PTTG1IP: variants seen among roughly 807,000 people sequenced by gnomAD.
PTTG1IP encodes pituitary tumor-transforming gene 1 protein-interacting protein.
A neutral mutation model predicts 24.4 loss-of-function variants in PTTG1IP; 16 were observed. The ratio of observed to expected loss-of-function variants is 0.66; its 90% confidence interval spans 0.44 to 1.00. The LOEUF is 1.00. PTTG1IP is among the 50% of genes least tolerant of loss of function. The pLI is 0.00. For missense variants in PTTG1IP, 241 were observed against 245.8 expected (o/e 0.98, Z 0.13); for synonymous variants, 89 against 96.8 (o/e 0.92, Z 0.47).
At chr21:44,865,329 G>A in intron 2 of PTTG1IP, 66 bp downstream of exon 2, 1 of 1,522,806 alleles carries the variant, frequency 6.6e-7, no homozygotes, top group Non-Finnish European at 9.1e-7. Context: ...CCTGGACCTA[G>A]AGAAAGCCCG....
chr21:44,869,584 C>T (rs1053473732), intron 1 of PTTG1IP, among the ~76,000 whole-genome samples: 3 of 152,194 alleles, frequency 2.0e-5, no homozygotes, highest in African/African-American at 7.2e-5. Flanking sequence ...CAGGTGTGAG[C>T]AACTGTGCCC....
At chr21:44,853,163 C>A (rs952088586) in intron 5 of PTTG1IP, among the ~76,000 whole-genome samples, 1 of 151,918 alleles carries the variant, frequency 6.6e-6, no homozygotes, top group African/African-American at 2.4e-5. Flanking sequence ...GCAGTGTGTG[C>A]GTGTGTGCGC....
chr21:44,856,313 A>C lies in PTTG1IP; in HGVS notation c.329T>G (p.Leu110Arg). The stretch of plus-strand genomic sequence containing the variant: ...GCAGCAGCAGATGGCAATGCCCAGG[A>C]GGAGGGTTCCCCCGACTACCGACAT... The part of the protein sequence containing the change: ...ITMSVVGGTL[L>R]LGIAICCCCC... The change falls in exon 4 of 6, where the codon CTC (leucine) becomes CGC (arginine). Residue 110 changes from leucine (L) to arginine (R), a missense_variant. Transcript: ENST00000330938. 6.2e-7 allele frequency: 1 copy of C among 1,614,162 alleles called. No individual in the cohort carries two copies. The highest frequency in any genetic ancestry group is 8.5e-7 in the Non-Finnish European group (1 of 1,179,998).
At chr21:44,853,507 CA>C (rs35396285) in intron 5 of PTTG1IP, among the ~76,000 whole-genome samples, 33,052 of 94,708 alleles carry the variant, frequency 0.35, 3,659 homozygotes, top group Middle Eastern at 0.49. Context: ...GACTCCGTCT[CA>C]AAAAAAAAAA....
At chr21:44,854,793 T>C (rs1329774423) in intron 5 of PTTG1IP, among the ~76,000 whole-genome samples, 1 of 152,106 alleles carries the variant, frequency 6.6e-6, no homozygotes, top group African/African-American at 2.4e-5. Flanking sequence ...TGGGGAGTGC[T>C]TGGAAGGAGC....
chr21:44,873,520 G>C lies in PTTG1IP; in HGVS notation c.97C>G (p.Gln33Glu). 1 of 1,464,770 alleles carries C rather than the reference G, an allele frequency of 6.8e-7. No individual in the cohort carries two copies. Among genetic ancestry groups the C allele is most frequent in the South Asian group, 1.3e-5 (1 of 77,070 alleles). The allele number at this position is 1,464,770 out of a possible 1,614,324, so 90.7% of individuals were successfully genotyped here. A position where few individuals can be genotyped will look rare whatever the true frequency, so the allele number is the denominator to read the frequency against. The change falls in exon 1 of 6, where the codon CAG becomes GAG. Residue 33 changes from glutamine (Q) to glutamate (E), a missense_variant. Physicochemically the swap from Gln to Glu is conservative, Grantham distance 29. Transcript: ENST00000330938. ...CCCTCACCAGCTCCGGGAGGCTCCT[G>C]CGCGGCGGCCACCGGGATGAGCAGC... is the stretch of plus-strand genomic sequence containing the variant. ...LLLLIPVAAAQEPPGAACSQN... is the reference protein window; with the variant it reads ...LLLLIPVAAAEEPPGAACSQN...
intron 3 of PTTG1IP, among the ~76,000 whole-genome samples, chr21:44,859,051 C>A (rs1446999818): frequency 6.6e-6 from 1 of 152,238 alleles, no homozygotes; most frequent in Non-Finnish European, 1.5e-5. Context: ...GGCACCAACA[C>A]AACACCGCTC....
chr21:44,862,287 AGGAGGGCG>A lies in PTTG1IP; in HGVS notation c.169-1024_169-1017del, dbSNP rs1271249722. ...TGTAATCCCAGCACTTTGGGAGGCC[AGGAGGGCG>A]GATCACCTGAGGTCAGAAGTTCGGG... On this transcript the variant is annotated intron_variant, in intron 2 of 5. Transcript: ENST00000330938. 4.6e-5 allele frequency among the ~76,000 whole-genome samples: 7 copies of A among 152,338 alleles called. No individual in the cohort carries two copies. The East Asian group carries it at 1.4e-3, about 29-fold the overall frequency.
rs2083406735 is a variant in PTTG1IP, at chr21:44,851,087, G to A, written c.*494C>T. ...CAGCAAAAGCCGTGTGAGTCAACAGGTGTGAAGACTCAAGATGCGCACACA... is the reference window on the plus strand; with the variant it reads ...CAGCAAAAGCCGTGTGAGTCAACAGATGTGAAGACTCAAGATGCGCACACA... On this transcript the variant is annotated 3_prime_UTR_variant, in exon 6 of 6. Transcript: ENST00000330938. The A allele has an allele frequency of 5.2e-6, 2 of 386,396 alleles. No homozygotes were observed. The highest frequency in any genetic ancestry group is 9.4e-5 in the South Asian group (2 of 21,230). The allele number at this position is 386,396 out of a possible 1,614,324, so 23.9% of individuals were successfully genotyped here. A position where few individuals can be genotyped will look rare whatever the true frequency, so the allele number is the denominator to read the frequency against.
intron 3 of PTTG1IP, among the ~76,000 whole-genome samples, chr21:44,859,308 AAAGTCCTGG>A (rs1186738996): frequency 6.6e-6 from 1 of 152,244 alleles, no homozygotes; most frequent in African/African-American, 2.4e-5. Flanking sequence ...GGGCCTTCTG[AAAGTCCTGG>A]AAGTCCTACC....
rs1394332261 is a variant in PTTG1IP at position 44,850,121 on chromosome 21, C to CTGGATCA, written c.*1453_*1459dup. 1 of 152,206 alleles carries CTGGATCA rather than the reference C, an allele frequency of 6.6e-6. No homozygotes were observed. The highest frequency in any genetic ancestry group is 2.4e-5 in the African/African-American group (1 of 41,438). 9.4% of individuals were successfully genotyped at this position (152,206 alleles called of 1,614,324 possible). Reference sequence around the variant, plus strand: ...CTGTTTGACGAGTTCTTGAAGTGTTCTGGATCAGTGATCTGCCTGTGAACT... The same window carrying CTGGATCA: ...CTGTTTGACGAGTTCTTGAAGTGTTCTGGATCATGGATCAGTGATCTGCCTGTGAACT... On this transcript the variant is annotated 3_prime_UTR_variant, in exon 6 of 6. Transcript: ENST00000330938.
chr21:44,861,877 T>TG (rs1569324376), intron 2 of PTTG1IP: 1 of 717,004 alleles, frequency 1.4e-6, no homozygotes, highest in Non-Finnish European at 2.6e-6. Flanking sequence ...TGGGTGAGCA[T>TG]GGTCACCATC....
Position 44,856,273 on chromosome 21 carries a change from C to A in PTTG1IP, c.369G>T (p.Arg123Ser), listed in dbSNP as rs1392652973. ...IAICCCCCCR[R>S]KRSRKPDRSE... The stretch of plus-strand genomic sequence containing the variant: ...TCCTGTCCGGCTTCCGGCTCCTCTT[C>A]CTCCTGCAGCAGCAGCAGCAGCAGA... The change falls in exon 4 of 6, where the codon AGG (arginine) becomes AGT (serine). Residue 123 changes from arginine (R) to serine (S), a missense_variant. Transcript: ENST00000330938. The A allele has an allele frequency of 1.2e-6, 2 of 1,614,078 alleles. No individual in the cohort carries two copies. Among genetic ancestry groups the A allele is most frequent in the Non-Finnish European group, 1.7e-6 (2 of 1,180,024 alleles).
chr21:44,865,390 C>A lies in PTTG1IP; in HGVS notation c.168+5G>T. On this transcript the variant is annotated splice_donor_5th_base_variant and intron_variant, in intron 2 of 5. Transcript: ENST00000330938. Reference sequence around the variant, plus strand: ...ACTCTGGTCTCTAGTCCACGTGCTACTTACGGAGACGTTCTTCAGGCACTC... The same window carrying A: ...ACTCTGGTCTCTAGTCCACGTGCTAATTACGGAGACGTTCTTCAGGCACTC... 6.2e-7 allele frequency: 1 copy of A among 1,614,134 alleles called. No individual in the cohort carries two copies. Among genetic ancestry groups the A allele is most frequent in the Non-Finnish European group, 8.5e-7 (1 of 1,179,936 alleles).
chr21:44,858,492 G>A (rs547083237), intron 3 of PTTG1IP, among the ~76,000 whole-genome samples: 2 of 152,244 alleles, frequency 1.3e-5, no homozygotes, highest in African/African-American at 4.8e-5. Flanking sequence ...TGTTTCTCCC[G>A]GAGGAGCAGG....
chr21:44,857,204 C>G (rs984838726), intron 3 of PTTG1IP, among the ~76,000 whole-genome samples: 1 of 152,228 alleles, frequency 6.6e-6, no homozygotes, highest in African/African-American at 2.4e-5. Context: ...TGGCTGGACA[C>G]AGTGGCTCAC....
chr21:44,858,611 G>A (rs764617176), intron 3 of PTTG1IP, among the ~76,000 whole-genome samples: 10 of 152,318 alleles, frequency 6.6e-5, no homozygotes, highest in Non-Finnish European at 1.0e-4. Flanking sequence ...GGGACCCTGC[G>A]TGGCGTGTGG....
At chr21:44,859,397 G>C (rs1295896909) in intron 3 of PTTG1IP, among the ~76,000 whole-genome samples, 1 of 151,574 alleles carries the variant, frequency 6.6e-6, no homozygotes, top group African/African-American at 2.4e-5. Context: ...ACGCACACAC[G>C]TGTGCATTAT....
chr21:44,859,162 G>A (rs58182473), intron 3 of PTTG1IP, among the ~76,000 whole-genome samples: 4 of 152,168 alleles, frequency 2.6e-5, no homozygotes, highest in African/African-American at 4.8e-5. Flanking sequence ...CAATTGACAC[G>A]AATCTCGGGC....
Sources: allele counts gnomAD v4.1 joint callset (sites outside exome capture counted in the v4.1 genomes callset), GRCh38; gene constraint gnomAD v4.1.1; transcripts MANE v1.5; gene names NCBI Gene and HGNC (gene_info 2026-07-23, HGNC 2026-07-21).